SHMT1: variants seen among roughly 807,000 people sequenced by gnomAD.
SHMT1 encodes serine hydroxymethyltransferase 1, also known as serine hydroxymethyltransferase, cytosolic.
Under a neutral mutation model 49.0 loss-of-function variants are expected in SHMT1, and 45 were observed. The ratio of observed to expected loss-of-function variants is 0.92; its 90% CI spans 0.72 to 1.18. SHMT1 has a LOEUF of 1.18. SHMT1 is among the 50% of genes most tolerant of loss of function. SHMT1 has a pLI of 0.00. For missense variants in SHMT1, 541 were observed against 612.4 expected (o/e 0.88, Z 1.23); for synonymous variants, 232 against 246.6 (o/e 0.94, Z 0.55).
intron 7 of SHMT1, among the ~76,000 whole-genome samples, 193 bp downstream of exon 7, chr17:18,339,850 T>C (rs1487632534): frequency 6.6e-6 from 1 of 152,162 alleles, no homozygotes; most frequent in Non-Finnish European, 1.5e-5. Flanking sequence ...GCGAGCCACC[T>C]CACCTGGCCG....
At chr17:18,348,486 G>A in intron 3 of SHMT1, 46 bp from the exon 4 acceptor site, 1 of 1,413,506 alleles carries the variant, frequency 7.1e-7, no homozygotes, top group Non-Finnish European at 1.0e-6. Flanking sequence ...GACCCAGAAA[G>A]TCTGTGCTTC....
In SHMT1 at chr17:18,328,902, G is replaced by A; in HGVS notation, c.1300C>T (p.Gln434Ter). The A allele has an allele frequency of 6.2e-7, 1 of 1,613,860 alleles. No homozygotes were observed. The highest frequency in any genetic ancestry group is 1.1e-5 in the South Asian group (1 of 91,066). Residue 434 changes from glutamine to a stop codon, truncating the protein, a stop_gained, in exon 12 of 12, where the codon CAG (glutamine) becomes TAG (stop). Coordinates refer to ENST00000316694, the MANE Select transcript of SHMT1 (RefSeq NM_004169.5). LOFTEE classifies it low-confidence loss of function (END_TRUNC). The part of the protein sequence containing the change: ...FIHRGIELTL[Q>*]IQSDTGVRAT... ...CTGACACCAGTGTCGCTCTGGATCT[G>A]CAGGGTCAGCTCTATCCCTGTGCCA...
intron 2 of SHMT1, among the ~76,000 whole-genome samples, chr17:18,354,491 G>T (rs1030383327): frequency 1.2e-4 from 19 of 152,270 alleles, no homozygotes; most frequent in Non-Finnish European, 2.6e-4. Flanking sequence ...AGCTACTCGG[G>T]GGGCCGAGGC....
At chr17:18,333,674 T>A (rs1983484796) in intron 8 of SHMT1, among the ~76,000 whole-genome samples, 1 of 151,982 alleles carries the variant, frequency 6.6e-6, no homozygotes, top group Non-Finnish European at 1.5e-5. Context: ...TTCACTATAT[T>A]GGCCAGGCTG....
chr17:18,346,968 C>T (rs1377390907), intron 5 of SHMT1, among the ~76,000 whole-genome samples: 1 of 152,212 alleles, frequency 6.6e-6, no homozygotes, highest in South Asian at 2.1e-4. Context: ...TCTGTAGCCA[C>T]TATACACAGG....
chr17:18,336,321 A>G (rs1438431665), intron 7 of SHMT1, among the ~76,000 whole-genome samples: 1 of 151,736 alleles, frequency 6.6e-6, no homozygotes, highest in Non-Finnish European at 1.5e-5. Context: ...TCCCTCCACT[A>G]ACATTGTAAC....
chr17:18,335,274 CCTAA>C (rs1983662288), intron 8 of SHMT1, among the ~76,000 whole-genome samples: 1 of 152,328 alleles, frequency 6.6e-6, no homozygotes, highest in African/African-American at 2.4e-5. Context: ...TTTGCCCTCT[CCTAA>C]CTGTCAGATT....
At chr17:18,357,279 CAAAAAA>C (rs10560620) in intron 1 of SHMT1, among the ~76,000 whole-genome samples, 64 of 89,506 alleles carry the variant, frequency 7.2e-4, no homozygotes, top group Non-Finnish European at 1.2e-3. Flanking sequence ...GACTCCACCT[CAAAAAA>C]AAAAAAAAAA....
At chr17:18,338,459 C>T (rs912855119) in intron 7 of SHMT1, among the ~76,000 whole-genome samples, 5 of 143,102 alleles carry the variant, frequency 3.5e-5, no homozygotes, top group African/African-American at 5.0e-5. Flanking sequence ...GGCGCCTCTG[C>T]CCGGCCGCCC....
chr17:18,362,788 C>A (rs967998319), intron 1 of SHMT1, among the ~76,000 whole-genome samples: 13 of 152,200 alleles, frequency 8.5e-5, no homozygotes, highest in Non-Finnish European at 5.9e-5. Flanking sequence ...CACAGTGCAA[C>A]ATTTGTCTCC....
rs1259869176 is a variant in SHMT1 at position 18,338,539 on chromosome 17, C to T, written c.814+1504G>A. Among the ~76,000 whole-genome samples, 6 of 151,698 alleles carry T rather than the reference C, an allele frequency of 4.0e-5. No individual in the cohort carries two copies. In the South Asian group the frequency reaches 1.0e-3, roughly 26 times the overall value. On this transcript the variant is annotated intron_variant, in intron 7 of 11. Coordinates refer to ENST00000316694, the MANE Select transcript of SHMT1 (RefSeq NM_004169.5). ...GAAGTGAGGAGCCCCTCTGCCCAGCCGCCACCCCGTCTGGGAGGTGTACCC... is the reference window on the plus strand; with the variant it reads ...GAAGTGAGGAGCCCCTCTGCCCAGCTGCCACCCCGTCTGGGAGGTGTACCC...
chr17:18,340,889 G>T lies in SHMT1; in HGVS notation c.520-76C>A. The stretch of plus-strand genomic sequence containing the variant: ...GCCTCCTGTCCTCCCACTTGAACTG[G>T]CTCCACCCACCATGACAAGAGGAAT... On this transcript the variant is annotated intron_variant, in intron 5 of 11. Coordinates refer to ENST00000316694, the MANE Select transcript of SHMT1 (RefSeq NM_004169.5). This position sits in a 1 kb window ranked among gnomAD's most constrained non-coding sequence, Gnocchi z 4.5. 1 of 1,018,164 alleles carries T rather than the reference G, an allele frequency of 9.8e-7. No homozygotes were observed. The allele number at this position is 1,018,164 out of a possible 1,614,324, so 63.1% of individuals were successfully genotyped here.
chr17:18,351,268 G>A (rs1196011091), intron 3 of SHMT1, among the ~76,000 whole-genome samples: 2 of 152,030 alleles, frequency 1.3e-5, no homozygotes, highest in Non-Finnish European at 2.9e-5. Context: ...AGCCTCCCGA[G>A]TAGCTGGGAC....
intron 5 of SHMT1, among the ~76,000 whole-genome samples, chr17:18,342,119 T>A (rs1984584501): frequency 6.6e-6 from 1 of 152,216 alleles, no homozygotes; most frequent in Admixed American, 6.6e-5. Context: ...GCAGCACTAT[T>A]CACAATAGCC....
intron 3 of SHMT1, among the ~76,000 whole-genome samples, chr17:18,350,601 C>T (rs1400232138): frequency 6.6e-6 from 1 of 152,098 alleles, no homozygotes; most frequent in Non-Finnish European, 1.5e-5. Flanking sequence ...TGCACCACTG[C>T]ACTCCAGCCT....
chr17:18,363,301 C>CT (rs1227092676), intron 1 of SHMT1, 71 bp downstream of exon 1: 1 of 152,426 alleles, frequency 6.6e-6, no homozygotes, highest in Non-Finnish European at 1.5e-5. Flanking sequence ...GAAGCACCCC[C>CT]CGGGCTCTGG....
At chr17:18,334,471 G>A (rs1466517232) in intron 8 of SHMT1, among the ~76,000 whole-genome samples, 1 of 152,194 alleles carries the variant, frequency 6.6e-6, no homozygotes, top group Non-Finnish European at 1.5e-5. Flanking sequence ...CCATACCAAA[G>A]CTGTTAAGCA....
At chr17:18,355,151 C>T (rs1170202825) in intron 2 of SHMT1, among the ~76,000 whole-genome samples, 3 of 145,458 alleles carry the variant, frequency 2.1e-5, no homozygotes, top group African/African-American at 7.7e-5. Context: ...GGGCGGATCA[C>T]GAGGTCAGGA....
At chr17:18,348,949 A>T (rs1307620671) in intron 3 of SHMT1, among the ~76,000 whole-genome samples, 1 of 151,310 alleles carries the variant, frequency 6.6e-6, no homozygotes, top group East Asian at 1.9e-4. Context: ...ACTGGACTCC[A>T]GCCTGGACCC....
Sources: gnomAD v4.1 joint callset for allele counts (sites outside exome capture counted in the v4.1 genomes callset) on GRCh38, gnomAD v4.1.1 for gene constraint, Gnocchi (gnomAD v3.1) non-coding constraint, MANE v1.5 for transcripts, NCBI Gene and HGNC (gene_info 2026-07-23, HGNC 2026-07-21) for gene names.